ACACA: variants seen among roughly 807,000 people sequenced by gnomAD.
ACACA encodes acetyl-CoA carboxylase 1.
A neutral mutation model predicts 296.1 loss-of-function variants in ACACA; 103 were observed. The ratio of observed to expected loss-of-function variants is 0.35; its 90% confidence interval spans 0.30 to 0.41. The LOEUF (loss-of-function observed/expected upper bound fraction) is 0.41, where lower values mean the gene tolerates loss of function less well. Ranked by LOEUF, ACACA falls within the 10% of genes least tolerant of loss-of-function variation. The probability of loss-of-function intolerance (pLI) is 1.00; values close to 1 mark genes in which losing one functional copy is unlikely to be tolerated. For synonymous variants in ACACA, 953 were observed against 1,038.6 expected (o/e 0.92, Z 1.58); for missense variants, 1,554 against 2,989.7 (o/e 0.52, Z 11.20).
At chr17:37,172,415 G>A (rs1475732178) in intron 41 of ACACA, among the ~76,000 whole-genome samples, 1 of 152,096 alleles carries the variant, frequency 6.6e-6, no homozygotes, top group East Asian at 1.9e-4. Context: ...AAAGAACAGT[G>A]TCAGAAATTC....
At chr17:37,148,616 T>C (rs1427759946) in intron 45 of ACACA, among the ~76,000 whole-genome samples, 3 of 152,216 alleles carry the variant, frequency 2.0e-5, no homozygotes, top group Non-Finnish European at 4.4e-5. Flanking sequence ...GTAAACATAA[T>C]ATCTGATACA....
intron 6 of ACACA, 47 bp from the exon 7 acceptor site, chr17:37,277,161 C>T (rs747861497): frequency 2.0e-6 from 3 of 1,532,432 alleles, no homozygotes; most frequent in Non-Finnish European, 1.8e-6. Context: ...CATACAAAAC[C>T]CCCACAAACT....
intron 29 of ACACA, among the ~76,000 whole-genome samples, chr17:37,211,356 G>A (rs902142969): frequency 6.6e-6 from 1 of 152,120 alleles, no homozygotes; most frequent in African/African-American, 2.4e-5. Flanking sequence ...GATAAGAATA[G>A]GAAACTACAA....
chr17:37,259,285 C>T (rs1246518929), intron 12 of ACACA, 75 bp downstream of exon 12: 2 of 1,540,000 alleles, frequency 1.3e-6, no homozygotes, highest in Non-Finnish European at 1.8e-6. Context: ...TTTCTCTTAT[C>T]ACACACTGGT....
chr17:37,242,864 C>T (rs1037069015), intron 22 of ACACA, among the ~76,000 whole-genome samples: 5 of 152,134 alleles, frequency 3.3e-5, no homozygotes, highest in Admixed American at 1.3e-4. Context: ...TGGTGAAACC[C>T]GTGACTACTA....
intron 1 of ACACA, among the ~76,000 whole-genome samples, chr17:37,346,327 A>AG (rs2048616677): frequency 1.3e-5 from 2 of 150,958 alleles, no homozygotes; most frequent in Admixed American, 1.3e-4. Context: ...AAAAAAAAAA[A>AG]AAAAAGTATT....
chr17:37,379,017 A>C, intron 1 of ACACA: 1 of 1,218,102 alleles, frequency 8.2e-7, no homozygotes, highest in Non-Finnish European at 1.1e-6. Context: ...GGCTGGAGTG[A>C]GCCATGATTG....
intron 30 of ACACA, among the ~76,000 whole-genome samples, chr17:37,210,184 C>T (rs1015323097): frequency 6.6e-6 from 1 of 152,176 alleles, no homozygotes; most frequent in African/African-American, 2.4e-5. Flanking sequence ...ATGTTGCTAG[C>T]AAGGCCGGAC....
chr17:37,149,958 A>G lies in ACACA; in HGVS notation c.5585T>C (p.Ile1862Thr). 5 of 1,614,198 alleles carry G rather than the reference A, an allele frequency of 3.1e-6. No homozygotes were observed. Among genetic ancestry groups the G allele is most frequent in the Non-Finnish European group, 4.2e-6 (5 of 1,180,002 alleles). ...CCGGACAAGGTAAGCCCCAATCCCA[A>G]TGGCCCGGCACGTCACCTTAGAAAA... ...ITISLVTCRA[I>T]GIGAYLVRLG... The change falls in exon 45 of 56, where the codon ATT (isoleucine) becomes ACT (threonine). Residue 1862 changes from isoleucine (I) to threonine (T), a missense_variant. Ile to Thr is a moderately conservative substitution (Grantham distance 89, BLOSUM62 -1). This residue lies in a region of ACACA where 553 missense variants were observed against 1,043.6 expected (regional missense o/e 0.53). Transcript: ENST00000616317.
intron 3 of ACACA, among the ~76,000 whole-genome samples, chr17:37,319,413 G>T (rs185823897): frequency 1.1e-4 from 16 of 152,208 alleles, no homozygotes; most frequent in Admixed American, 1.0e-3. Flanking sequence ...GCATAGAAAA[G>T]GATACAGATG....
chr17:37,388,320 C>T lies in ACACA; in HGVS notation c.38+17942G>A, dbSNP rs1241296023. On this transcript the variant is annotated intron_variant, in intron 1 of 55. Coordinates refer to ENST00000616317, the MANE Select transcript of ACACA (RefSeq NM_198834.3). ...GTGTCAGAGCAAAATGGTAGGAACCCTGATAAAGCTGACAGTAAAAGAAGT... is the reference window on the plus strand; with the variant it reads ...GTGTCAGAGCAAAATGGTAGGAACCTTGATAAAGCTGACAGTAAAAGAAGT... Among the ~76,000 whole-genome samples, 3 of 152,258 alleles carry T rather than the reference C, an allele frequency of 2.0e-5. No homozygotes were observed. In the East Asian group the frequency reaches 5.8e-4, roughly 29 times the overall value.
chr17:37,191,296 C>G, intron 37 of ACACA, 21 bp from the exon 38 acceptor site: 1 of 1,609,958 alleles, frequency 6.2e-7, no homozygotes, highest in South Asian at 1.1e-5. Flanking sequence ...AGAAAATAAT[C>G]AACATTAATG....
At chr17:37,350,326 C>T (rs2048839046) in intron 1 of ACACA, among the ~76,000 whole-genome samples, 1 of 147,422 alleles carries the variant, frequency 6.8e-6, no homozygotes. Context: ...GTGAACCCGT[C>T]TCAAAAAAAG....
At chr17:37,218,625 A>G (rs1156232602) in intron 29 of ACACA, among the ~76,000 whole-genome samples, 2 of 152,214 alleles carry the variant, frequency 1.3e-5, no homozygotes, top group East Asian at 3.8e-4. Flanking sequence ...TCAGGACTCC[A>G]ATATGTGTAT....
intron 1 of ACACA, among the ~76,000 whole-genome samples, chr17:37,349,458 CAT>C (rs1252207670): frequency 6.8e-6 from 1 of 146,944 alleles, no homozygotes; most frequent in Non-Finnish European, 1.5e-5. Flanking sequence ...ATATATCTTA[CAT>C]ATATATTTTA....
chr17:37,273,409 G>T (rs547409312), intron 9 of ACACA, among the ~76,000 whole-genome samples: 1 of 152,176 alleles, frequency 6.6e-6, no homozygotes, highest in Non-Finnish European at 1.5e-5. Flanking sequence ...ATTTCTACAT[G>T]GATAGACAAT....
chr17:37,292,614 G>A (rs1284682438), intron 3 of ACACA, among the ~76,000 whole-genome samples: 4 of 152,208 alleles, frequency 2.6e-5, no homozygotes, highest in African/African-American at 4.8e-5. Context: ...CCAGCACTTC[G>A]GGAGGCCAAG....
intron 11 of ACACA, among the ~76,000 whole-genome samples, chr17:37,260,267 TATATATATATATATATATA>T (rs2081399873): frequency 4.7e-5 from 1 of 21,138 alleles, no homozygotes; most frequent in East Asian, 2.6e-3. Context: ...TATATATATA[TATATATATATATATATATA>T]TATATATATA....
intron 3 of ACACA, among the ~76,000 whole-genome samples, chr17:37,308,869 G>A (rs935789361): frequency 4.6e-5 from 7 of 152,088 alleles, no homozygotes; most frequent in East Asian, 1.9e-4. Flanking sequence ...CCTGAGAGGC[G>A]GAGGTTGCAG....
Sources: gnomAD v4.1 joint callset for allele counts (sites outside exome capture counted in the v4.1 genomes callset) on GRCh38, gnomAD v4.1.1 for gene constraint, gnomAD v4.1.1 regional missense constraint, MANE v1.5 for transcripts, NCBI Gene and HGNC (gene_info 2026-07-23, HGNC 2026-07-21) for gene names.